The following GPR55 variants were observed in gnomAD, a reference collection of about 807,000 sequenced individuals.
The protein encoded by GPR55 is G protein-coupled receptor 55.
In GPR55, 6 loss-of-function variants were observed where a neutral mutation model predicts 7.9. The ratio of observed to expected loss-of-function variants is 0.76; its 90% confidence interval spans 0.41 to 1.49. The LOEUF (loss-of-function observed/expected upper bound fraction) is 1.49. GPR55 is among the 40% of genes most tolerant of loss of function. The probability of loss-of-function intolerance (pLI) is 0.01; values close to 1 mark genes in which losing one functional copy is unlikely to be tolerated. For missense variants in GPR55, 376 were observed against 406.0 expected, an observed-to-expected ratio of 0.93 and a Z score of 0.63; for synonymous variants, 183 against 166.8, an observed-to-expected ratio of 1.10 and a Z score of -0.75.
intron 1 of GPR55, among the ~76,000 whole-genome samples, chr2:230,932,177 C>T (rs376879234): frequency 5.3e-5 from 8 of 152,214 alleles, no homozygotes; most frequent in Non-Finnish European, 1.0e-4. Context: ...AACACCTCCA[C>T]GCCACCAGCC....
rs1691276169 is a variant in GPR55 at position 230,944,097 on chromosome 2, C to T, written c.-135+16678G>A. The stretch of plus-strand genomic sequence containing the variant: ...AGAGTAGTGAAGTGAGAAGCCTCTC[C>T]ATGAAGATGCCTTCTGCCATTCATT... On this transcript the variant is annotated intron_variant, in intron 1 of 1. Coordinates refer to the GPR55 transcript ENST00000392039. This position sits in a 1 kb window ranked among gnomAD's most constrained non-coding sequence, Gnocchi z 4.2. Among the ~76,000 whole-genome samples, 1 of 152,242 alleles carries T rather than the reference C, an allele frequency of 6.6e-6. No individual in the cohort carries two copies. Among genetic ancestry groups the T allele is most frequent in the Non-Finnish European group, 1.5e-5 (1 of 68,036 alleles).
intron 1 of GPR55, among the ~76,000 whole-genome samples, chr2:230,950,315 G>T (rs940960158): frequency 6.6e-6 from 1 of 152,182 alleles, no homozygotes; most frequent in South Asian, 2.1e-4. Flanking sequence ...TCAGCCCATC[G>T]CCTACCTGCC....
intron 1 of GPR55, among the ~76,000 whole-genome samples, chr2:230,917,801 T>C (rs978620292): frequency 5.9e-5 from 9 of 152,114 alleles, no homozygotes; most frequent in Non-Finnish European, 1.0e-4. Flanking sequence ...GGCAACAAAG[T>C]AAGACCCTGT....
At chr2:230,951,755 G>C (rs1009366568) in intron 1 of GPR55, among the ~76,000 whole-genome samples, 6 of 148,128 alleles carry the variant, frequency 4.1e-5, no homozygotes, top group African/African-American at 1.5e-4. Flanking sequence ...TTGTTATTGG[G>C]GTTTTTTTTT....
At chr2:230,942,727 C>T (rs1483516609) in intron 1 of GPR55, among the ~76,000 whole-genome samples, 2 of 151,878 alleles carry the variant, frequency 1.3e-5, no homozygotes, top group Non-Finnish European at 2.9e-5. Context: ...GAGATGGGAG[C>T]TTGGCTGTTT....
At chr2:230,927,198 C>T (rs76066612), upstream of GPR55, among the ~76,000 whole-genome samples, 2,081 of 152,236 alleles carry the variant, frequency 0.014, 40 homozygotes, top group African/African-American at 0.045. Context: ...TTTCTGTGCC[C>T]GCCCGTGTAC....
intron 1 of GPR55, among the ~76,000 whole-genome samples, chr2:230,940,516 G>A (rs73992989): frequency 1.5e-3 from 224 of 152,306 alleles, no homozygotes; most frequent in African/African-American, 4.6e-3. Context: ...CGAAGACAGC[G>A]TCATTCTGGA....
chr2:230,933,708 C>G (rs1691089461), intron 1 of GPR55, among the ~76,000 whole-genome samples: 1 of 152,220 alleles, frequency 6.6e-6, no homozygotes, highest in South Asian at 2.1e-4. Context: ...GGAGCAGCAG[C>G]CCCTGCGCCG....
chr2:230,940,707 G>A (rs1475597477), intron 1 of GPR55, among the ~76,000 whole-genome samples: 2 of 152,138 alleles, frequency 1.3e-5, no homozygotes, highest in South Asian at 2.1e-4. Context: ...AGCTGGGCAG[G>A]TCGAAGAGTA....
chr2:230,938,396 CCA>C (rs1491125216), intron 1 of GPR55, among the ~76,000 whole-genome samples: 4 of 96,082 alleles, frequency 4.2e-5, no homozygotes, highest in African/African-American at 1.6e-4. Context: ...AACCAGATGA[CCA>C]AAAAAAAAAA....
intron 1 of GPR55, among the ~76,000 whole-genome samples, chr2:230,946,028 G>C (rs1019025909): frequency 6.6e-6 from 1 of 152,118 alleles, no homozygotes; most frequent in South Asian, 2.1e-4. Context: ...ATATTATTTA[G>C]CCATTAAAAA....
intron 1 of GPR55, among the ~76,000 whole-genome samples, chr2:230,949,827 C>T (rs568248854): frequency 6.9e-6 from 1 of 145,826 alleles, no homozygotes; most frequent in East Asian, 1.9e-4. Context: ...TGCTTCTCTT[C>T]TCACTAAATT....
intron 1 of GPR55, among the ~76,000 whole-genome samples, chr2:230,922,965 A>G (rs1347102190): frequency 6.6e-6 from 1 of 152,150 alleles, no homozygotes; most frequent in African/African-American, 2.4e-5. Context: ...CTGCCTCCCA[A>G]ACTGCTGGGA....
At position 230,910,188 on chromosome 2, in the gene GPR55, C is replaced by G. The variant is rs1482985144; in HGVS notation, c.775G>C (p.Glu259Gln). ...QFLVRNSFIV[E>Q]CRAKQSISFF... Reference sequence around the variant, plus strand: ...CTGATGCTCTGCTTGGCTCTGCACTCTACGATAAAGCTGTTTCTCACCAGG... The same window carrying G: ...CTGATGCTCTGCTTGGCTCTGCACTGTACGATAAAGCTGTTTCTCACCAGG... The change falls in exon 2 of 2, where the codon GAG (glutamate) becomes CAG (glutamine). Residue 259 changes from glutamate to glutamine, a missense_variant. By Grantham distance (29) the Glu-to-Gln change is conservative (BLOSUM62 2). Coordinates refer to ENST00000650999, the MANE Select transcript of GPR55 (RefSeq NM_005683.4). This position sits in a 1 kb window ranked among gnomAD's most constrained non-coding sequence, Gnocchi z 5.4. The G allele has an allele frequency of 6.2e-7, 1 of 1,614,198 alleles. No homozygotes were observed. Among genetic ancestry groups the G allele is most frequent in the South Asian group, 1.1e-5 (1 of 91,078 alleles).
rs371507678 is a variant in GPR55 at position 230,922,736 on chromosome 2, C to T, written c.-135+2432G>A. Among the ~76,000 whole-genome samples, 68 of 152,104 alleles carry T rather than the reference C, an allele frequency of 4.5e-4. 2 individuals are homozygous for T. The Middle Eastern group carries it at 0.024, about 54-fold the overall frequency. ...GATTACAGGCATGTGCCACCACGCC[C>T]GGCTAATTTTGTATTTTTCGTAGAT... On this transcript the variant is annotated intron_variant, in intron 1 of 1. Coordinates refer to ENST00000650999, the MANE Select transcript of GPR55 (RefSeq NM_005683.4).
chr2:230,917,004 C>T (rs548059392), intron 1 of GPR55, among the ~76,000 whole-genome samples: 19 of 152,052 alleles, frequency 1.2e-4, no homozygotes, highest in Admixed American at 5.9e-4. Context: ...AGTTCTGTGG[C>T]GATAGAACAG....
At chr2:230,931,259 C>T (rs2125061631) in intron 1 of GPR55, among the ~76,000 whole-genome samples, 1 of 152,368 alleles carries the variant, frequency 6.6e-6, no homozygotes, top group Admixed American at 6.5e-5. Context: ...CCCTCCAACA[C>T]TGACCCTGCC....
At chr2:230,957,556 G>A (rs1019201619) in intron 1 of GPR55, 27 of 377,822 alleles carry the variant, frequency 7.1e-5, no homozygotes, top group Non-Finnish European at 3.7e-5. Flanking sequence ...CCGCGGCGCC[G>A]GCGGTGCTGG....
Position 230,910,226 on chromosome 2 carries a change from A to T in GPR55, c.737T>A (p.Phe246Tyr). ...VVSFLPVHLG[F>Y]FLQFLVRNSF... ...GTTTCTCACCAGGAACTGCAGGAAG[A>T]ACCCCAGGTGGACTGGGAGGAAGGA... The change falls in exon 2 of 2, where the codon TTC becomes TAC. Residue 246 changes from phenylalanine (F) to tyrosine (Y), a missense_variant. By Grantham distance (22) the Phe-to-Tyr change is conservative. Coordinates refer to ENST00000650999, the MANE Select transcript of GPR55 (RefSeq NM_005683.4). The surrounding 1 kb of genome is among the most constrained non-coding windows in gnomAD (Gnocchi z 5.4). 6.2e-7 allele frequency: 1 copy of T among 1,614,084 alleles called. No individual in the cohort carries two copies. Among genetic ancestry groups the T allele is most frequent in the Non-Finnish European group, 8.5e-7 (1 of 1,179,914 alleles).
Sources: gnomAD v4.1 joint callset for allele counts (sites outside exome capture counted in the v4.1 genomes callset) on GRCh38, gnomAD v4.1.1 for gene constraint, Gnocchi (gnomAD v3.1) non-coding constraint, MANE v1.5 for transcripts, NCBI Gene and HGNC (gene_info 2026-07-23, HGNC 2026-07-21) for gene names.